Variants in TEKT3 observed in about 807,000 individuals in gnomAD.
The protein encoded by TEKT3 is tektin 3.
TEKT3 carries 49 observed loss-of-function variants against 49.8 expected under a neutral mutation model. The ratio of observed to expected loss-of-function variants is 0.98; its 90% CI spans 0.78 to 1.25. The LOEUF (loss-of-function observed/expected upper bound fraction) is 1.25, where lower values mean the gene tolerates loss of function less well. Among genes scored for constraint, TEKT3 ranks in the 50% most tolerant of loss-of-function variants. TEKT3 has a pLI of 0.00. For synonymous variants in TEKT3, 225 were observed against 237.2 expected (o/e 0.95, Z 0.47); for missense variants, 595 against 629.5 (o/e 0.95, Z 0.59).
At chr17:15,340,349 C>A (rs1224943669) in intron 1 of TEKT3, 2 of 147,184 alleles carry the variant, frequency 1.4e-5, no homozygotes, top group Admixed American at 6.9e-5. Flanking sequence ...GCCTGGCCAA[C>A]TTGGTGAAAC....
intron 6 of TEKT3, 86 bp downstream of exon 6, chr17:15,314,001 C>A: frequency 6.3e-7 from 1 of 1,580,416 alleles, no homozygotes; most frequent in South Asian, 1.1e-5. Flanking sequence ...CCTTGCTTTC[C>A]ATTTTAACCT....
In TEKT3 at chr17:15,303,992, A is replaced by T; in HGVS notation, c.1417T>A (p.Cys473Ser). The part of the protein sequence containing the change: ...ANSLYIDQEK[C>S]MSMRKSYPNT... Reference sequence around the variant, plus strand: ...GGGTAGCTCTTGCGCATGCTCATGCATTTTTCCTGGTCGATGTACAGGGAA... The same window carrying T: ...GGGTAGCTCTTGCGCATGCTCATGCTTTTTTCCTGGTCGATGTACAGGGAA... The change falls in exon 9 of 9, where the codon TGC becomes AGC. Residue 473 changes from cysteine to serine, a missense_variant. By Grantham distance (112) the Cys-to-Ser change is moderately radical. Transcript: ENST00000395930. The T allele has an allele frequency of 6.2e-7, 1 of 1,614,092 alleles. No individual in the cohort carries two copies. The highest frequency in any genetic ancestry group is 8.5e-7 in the Non-Finnish European group (1 of 1,180,030).
chr17:15,318,346 A>T (rs1334740081), intron 5 of TEKT3, among the ~76,000 whole-genome samples: 1 of 151,928 alleles, frequency 6.6e-6, no homozygotes, highest in African/African-American at 2.4e-5. Context: ...GTAAACGACC[A>T]CTCATTACTT....
At chr17:15,334,877 A>G (rs1911919072) in intron 2 of TEKT3, among the ~76,000 whole-genome samples, 1 of 152,242 alleles carries the variant, frequency 6.6e-6, no homozygotes, top group South Asian at 2.1e-4. Context: ...CAAGAAAACC[A>G]AGACTGTCAT....
At chr17:15,324,495 G>A (rs1567580014) in intron 4 of TEKT3, among the ~76,000 whole-genome samples, 1 of 152,090 alleles carries the variant, frequency 6.6e-6, no homozygotes, top group South Asian at 2.1e-4. Context: ...ATCATACAGG[G>A]TCATTCATGC....
chr17:15,330,115 A>T (rs760704233), intron 3 of TEKT3, among the ~76,000 whole-genome samples: 4 of 152,114 alleles, frequency 2.6e-5, no homozygotes, highest in African/African-American at 7.2e-5. Context: ...TAATCAAGCA[A>T]ATTCCATGCC....
intron 7 of TEKT3, among the ~76,000 whole-genome samples, chr17:15,309,143 T>C (rs533610321): frequency 1.3e-5 from 2 of 152,226 alleles, no homozygotes; most frequent in African/African-American, 4.8e-5. Context: ...AATTAGGGGC[T>C]CCCTGCAAGC....
At position 15,304,264 on chromosome 17, in the gene TEKT3, T is replaced by C. The variant is rs2150728971; in HGVS notation, c.1257-112A>G. On this transcript the variant is annotated intron_variant, in intron 8 of 8. Coordinates refer to ENST00000395930, the MANE Select transcript of TEKT3 (RefSeq NM_031898.3). This position sits in a 1 kb window ranked among gnomAD's most constrained non-coding sequence, Gnocchi z 4.7. Reference sequence around the variant, plus strand: ...CTCACATTTTCTTTACTTTAGGATATATTTATCAGCAAATGAGAGGTGCAT... The same window carrying C: ...CTCACATTTTCTTTACTTTAGGATACATTTATCAGCAAATGAGAGGTGCAT... The C allele has an allele frequency of 9.7e-7, 1 of 1,032,748 alleles. No individual in the cohort carries two copies. Among genetic ancestry groups the C allele is most frequent in the Non-Finnish European group, 1.4e-6 (1 of 702,844 alleles). The allele number at this position is 1,032,748 out of a possible 1,614,324, so 64.0% of individuals were successfully genotyped here.
At chr17:15,310,970 G>A (rs573690364) in intron 7 of TEKT3, 3 of 152,240 alleles carry the variant, frequency 2.0e-5, no homozygotes, top group South Asian at 2.1e-4. Context: ...CTGTCTCCAA[G>A]GCTTTCTTCA....
chr17:15,327,431 G>A (rs1224435596), intron 4 of TEKT3, among the ~76,000 whole-genome samples: 2 of 151,832 alleles, frequency 1.3e-5, no homozygotes, highest in Middle Eastern at 3.4e-3. Flanking sequence ...CAGGAGAATT[G>A]CTTGAACCTA....
chr17:15,340,502 A>G (rs1490845893), intron 1 of TEKT3: 1 of 152,266 alleles, frequency 6.6e-6, no homozygotes, highest in Non-Finnish European at 1.5e-5. Flanking sequence ...AGCTGAGATC[A>G]TGCCATTGCA....
intron 8 of TEKT3, among the ~76,000 whole-genome samples, chr17:15,308,331 T>G (rs995408598): frequency 5.9e-5 from 9 of 152,192 alleles, no homozygotes; most frequent in Non-Finnish European, 1.2e-4. Flanking sequence ...TAATAGCACT[T>G]TTTGTGTGTG....
chr17:15,317,899 A>G (rs1911075352), intron 5 of TEKT3, among the ~76,000 whole-genome samples: 1 of 152,002 alleles, frequency 6.6e-6, no homozygotes, highest in South Asian at 2.1e-4. Flanking sequence ...CTAGTGAGGA[A>G]TAGGATGGGT....
intron 2 of TEKT3, among the ~76,000 whole-genome samples, chr17:15,334,800 A>C (rs1323249839): frequency 6.6e-6 from 1 of 152,210 alleles, no homozygotes; most frequent in Non-Finnish European, 1.5e-5. Flanking sequence ...AGACTGAATA[A>C]AAGACATCAC....
chr17:15,331,679 T>C (rs540409966), intron 2 of TEKT3, 65 bp from the exon 3 acceptor site: 228 of 1,251,868 alleles, frequency 1.8e-4, no homozygotes, highest in Middle Eastern at 1.7e-3. Flanking sequence ...AACATACAGA[T>C]AAAAGGCCAC....
intron 2 of TEKT3, among the ~76,000 whole-genome samples, chr17:15,333,112 G>A (rs1357511752): frequency 6.7e-6 from 1 of 148,872 alleles, no homozygotes; most frequent in Non-Finnish European, 1.5e-5. Flanking sequence ...CAGTTCCATT[G>A]TCTGAAACTT....
Position 15,331,042 on chromosome 17 carries a change from C to G in TEKT3, c.544G>C (p.Glu182Gln), listed in dbSNP as rs567640994. 6.2e-7 allele frequency: 1 copy of G among 1,613,766 alleles called. No homozygotes were observed. Among genetic ancestry groups the G allele is most frequent in the Non-Finnish European group, 8.5e-7 (1 of 1,179,834 alleles). The change falls in exon 3 of 9, where the codon GAG (glutamate) becomes CAG (glutamine). Residue 182 changes from glutamate (E) to glutamine (Q), a missense_variant. Glu to Gln is a conservative substitution (Grantham distance 29). Coordinates refer to ENST00000395930, the MANE Select transcript of TEKT3 (RefSeq NM_031898.3). ...GCTTCAGTCTCCATCAAAGCCCGCT[C>G]CAGTCTTTTCTTCACATCAGTAAGT... ...NALTDVKKRLERALMETEAPL... is the reference protein window; with the variant it reads ...NALTDVKKRLQRALMETEAPL...
chr17:15,315,221 C>T (rs748177866), intron 5 of TEKT3, among the ~76,000 whole-genome samples: 8 of 152,096 alleles, frequency 5.3e-5, no homozygotes, highest in Non-Finnish European at 8.8e-5. Flanking sequence ...GAGACCAGGA[C>T]TGTGGTTATG....
chr17:15,314,111 C>A lies in TEKT3; in HGVS notation c.854G>T (p.Arg285Leu). 1 of 1,614,216 alleles carries A rather than the reference C, an allele frequency of 6.2e-7. No homozygotes were observed. Among genetic ancestry groups the A allele is most frequent in the East Asian group, 2.2e-5 (1 of 44,864 alleles). The change falls in exon 6 of 9, where the codon CGC (arginine) becomes CTC (leucine). Residue 285 changes from arginine (R) to leucine (L), a missense_variant. Arg to Leu is a moderately radical substitution (Grantham distance 102, BLOSUM62 -2). Coordinates refer to ENST00000395930, the MANE Select transcript of TEKT3 (RefSeq NM_031898.3). Reference protein sequence around the residue: ...RNTSDGVGYFRGVERVDATVS... With the variant: ...RNTSDGVGYFLGVERVDATVS... ...CGTTGCATCGACCCTCTCCACTCCG[C>A]GGAAGTAGCCGACACCGTCTGATGT...
Sources: gnomAD v4.1 joint callset for allele counts (sites outside exome capture counted in the v4.1 genomes callset) on GRCh38, gnomAD v4.1.1 for gene constraint, Gnocchi (gnomAD v3.1) non-coding constraint, MANE v1.5 for transcripts, NCBI Gene and HGNC (gene_info 2026-07-23, HGNC 2026-07-21) for gene names.